NBEA: variants seen among roughly 807,000 people sequenced by gnomAD.
NBEA encodes neurobeachin.
A neutral mutation model predicts 343.4 loss-of-function variants in NBEA; 44 were observed. The observed-to-expected ratio is 0.13, with a 90% CI of 0.10 to 0.16. The LOEUF is 0.16. Among genes scored for constraint, NBEA ranks in the 10% least tolerant of loss-of-function variants. The probability of loss-of-function intolerance (pLI) is 1.00; values close to 1 mark genes in which losing one functional copy is unlikely to be tolerated. For missense variants in NBEA, 2,555 were observed against 3,631.3 expected (o/e 0.70, Z 7.62); for synonymous variants, 1,175 against 1,238.7 (o/e 0.95, Z 1.08).
intron 1 of NBEA, among the ~76,000 whole-genome samples, chr13:34,989,571 C>T (rs562374324): frequency 4.2e-4 from 64 of 150,816 alleles, no homozygotes; most frequent in African/African-American, 1.4e-3. Context: ...GTGGTCCAGT[C>T]GTCTCCCACT....
chr13:35,269,617 G>T (rs565310390), intron 34 of NBEA, among the ~76,000 whole-genome samples: 37 of 152,270 alleles, frequency 2.4e-4, no homozygotes, highest in Non-Finnish European at 5.1e-4. Context: ...GAACTGTAGG[G>T]TGTAAAATGT....
At chr13:35,524,662 A>G (rs1297655478) in intron 41 of NBEA, among the ~76,000 whole-genome samples, 1 of 152,268 alleles carries the variant, frequency 6.6e-6, no homozygotes, top group African/African-American at 2.4e-5. Flanking sequence ...GCTGAAATAC[A>G]CCACTTGGAT....
intron 1 of NBEA, among the ~76,000 whole-genome samples, chr13:35,029,077 T>G (rs975060702): frequency 1.3e-5 from 2 of 151,604 alleles, no homozygotes; most frequent in Admixed American, 1.3e-4. Flanking sequence ...TTCATATTCC[T>G]TTGTTCAGTT....
At chr13:35,529,331 G>A (rs907996915) in intron 41 of NBEA, among the ~76,000 whole-genome samples, 2 of 152,160 alleles carry the variant, frequency 1.3e-5, no homozygotes, top group African/African-American at 4.8e-5. Context: ...TTTAAAGTAA[G>A]TGTGAGTGGG....
At chr13:35,249,832 T>G (rs1185682965) in intron 34 of NBEA, among the ~76,000 whole-genome samples, 1 of 152,194 alleles carries the variant, frequency 6.6e-6, no homozygotes, top group African/African-American at 2.4e-5. Flanking sequence ...AACCCAAGTT[T>G]CTATCAACAT....
intron 43 of NBEA, among the ~76,000 whole-genome samples, chr13:35,552,866 G>A (rs1016593961): frequency 1.3e-5 from 2 of 151,618 alleles, no homozygotes; most frequent in Non-Finnish European, 2.9e-5. Flanking sequence ...ACCACATTTG[G>A]TCTCTTTTTG....
intron 52 of NBEA, 37 bp from the exon 53 acceptor site, chr13:35,651,767 AT>A: frequency 7.9e-7 from 1 of 1,262,172 alleles, no homozygotes; most frequent in Non-Finnish European, 1.1e-6. Flanking sequence ...CTTTCTGAGA[AT>A]TTTATGTTAG....
At chr13:35,598,411 C>G (rs1487941734) in intron 47 of NBEA, among the ~76,000 whole-genome samples, 1 of 152,182 alleles carries the variant, frequency 6.6e-6, no homozygotes, top group East Asian at 1.9e-4. Flanking sequence ...GTTACTTCCT[C>G]TGGGACATTG....
intron 31 of NBEA, among the ~76,000 whole-genome samples, chr13:35,205,377 AT>A (rs979805998): frequency 3.3e-5 from 5 of 152,182 alleles, no homozygotes; most frequent in Non-Finnish European, 7.4e-5. Context: ...ATTATCAGAG[AT>A]TTTTTTCTTC....
chr13:35,536,735 G>A (rs2078571344), intron 41 of NBEA, among the ~76,000 whole-genome samples: 1 of 152,164 alleles, frequency 6.6e-6, no homozygotes, highest in Non-Finnish European at 1.5e-5. Context: ...GCTAGTCGTG[G>A]ATGCTGTCAA....
chr13:35,503,288 C>T (rs947873199), intron 41 of NBEA, among the ~76,000 whole-genome samples: 1 of 151,576 alleles, frequency 6.6e-6, no homozygotes, highest in Non-Finnish European at 1.5e-5. Flanking sequence ...GATAATCAAA[C>T]AGCCCAGAGA....
At chr13:35,211,743 C>T (rs370454439) in intron 33 of NBEA, among the ~76,000 whole-genome samples, 7 of 151,954 alleles carry the variant, frequency 4.6e-5, no homozygotes, top group South Asian at 4.2e-4. Flanking sequence ...CACTTGAACC[C>T]GGGAGGCAGA....
chr13:35,044,607 T>C (rs1441157691), intron 2 of NBEA, among the ~76,000 whole-genome samples: 1 of 125,800 alleles, frequency 7.9e-6, no homozygotes, highest in African/African-American at 2.9e-5. Flanking sequence ...TGTTGTGGTG[T>C]GTGTGTGTGT....
At position 35,099,933 on chromosome 13, in the gene NBEA, A is replaced by G. The variant is rs574135235; in HGVS notation, c.1680+1528A>G. ...ACAAATACCTATGTCTTTTATTAGC[A>G]CTCTCTGACCTTTTCTTATCAGTTA... is the stretch of plus-strand genomic sequence containing the variant. On this transcript the variant is annotated intron_variant, in intron 11 of 58. Transcript: ENST00000379939. Among the ~76,000 whole-genome samples the G allele has an allele frequency of 3.9e-5, 6 of 152,054 alleles. No homozygotes were observed. In the East Asian group the frequency reaches 1.2e-3, roughly 29 times the overall value.
At chr13:35,332,216 A>G (rs181577336) in intron 36 of NBEA, among the ~76,000 whole-genome samples, 179 of 152,220 alleles carry the variant, frequency 1.2e-3, no homozygotes, top group African/African-American at 4.2e-3. Context: ...TTAAAAGAAA[A>G]TAAGAGGAAA....
intron 34 of NBEA, among the ~76,000 whole-genome samples, chr13:35,289,634 A>G (rs2035669670): frequency 6.6e-6 from 1 of 151,918 alleles, no homozygotes; most frequent in Non-Finnish European, 1.5e-5. Context: ...TAACCTGTAG[A>G]ATGGGAATAA....
In NBEA at chr13:35,646,330, G is replaced by A. The variant is rs370207947; in HGVS notation, c.7752G>A (p.Arg2584=). Reference sequence around the variant, plus strand: ...TGCTTATTGAGCCACATCCGCCTCGGAGCTCTGCCATGCACCTGGTAAGAC... The same window carrying A: ...TGCTTATTGAGCCACATCCGCCTCGAAGCTCTGCCATGCACCTGGTAAGAC... The part of the protein sequence containing the change: ...SQLLIEPHPP[R]SSAMHLCFLP... The change falls in exon 51 of 59, where the codon CGG becomes CGA. Residue 2584 remains arginine, a synonymous_variant. Transcript: ENST00000379939. 282 of 1,613,518 alleles carry A rather than the reference G, an allele frequency of 1.7e-4. No homozygotes were observed. The Middle Eastern group carries it at 2.8e-3, about 16-fold the overall frequency.
intron 38 of NBEA, among the ~76,000 whole-genome samples, chr13:35,422,094 T>TTG (rs1390356445): frequency 2.7e-5 from 3 of 109,212 alleles, no homozygotes; most frequent in Non-Finnish European, 5.5e-5. Flanking sequence ...GTTTGTTTGT[T>TTG]TTTTTTTTTT....
chr13:35,432,211 G>A (rs2045163912), intron 38 of NBEA, 58 bp from the exon 39 acceptor site: 2 of 1,387,648 alleles, frequency 1.4e-6, no homozygotes, highest in Non-Finnish European at 1.9e-6. Flanking sequence ...ATAGAAAAAT[G>A]TATTTCCAGC....
Sources: allele counts gnomAD v4.1 joint callset (sites outside exome capture counted in the v4.1 genomes callset), GRCh38; gene constraint gnomAD v4.1.1; transcripts MANE v1.5; gene names NCBI Gene and HGNC (gene_info 2026-07-23, HGNC 2026-07-21).